The following ZC3H12B variants were observed in gnomAD, a reference collection of about 807,000 sequenced individuals.
ZC3H12B encodes zinc finger CCCH-type containing 12B, also known as probable ribonuclease ZC3H12B.
Under a neutral mutation model 43.9 loss-of-function variants are expected in ZC3H12B, and 7 were observed. The ratio of observed to expected loss-of-function variants is 0.16; its 90% confidence interval spans 0.09 to 0.30. The LOEUF is 0.30. Ranked by LOEUF, ZC3H12B falls within the 10% of genes least tolerant of loss-of-function variation. The pLI is 1.00. For synonymous variants in ZC3H12B, 222 were observed against 241.7 expected (o/e 0.92, Z 0.76); for missense variants, 475 against 670.2 (o/e 0.71, Z 3.22).
the ZC3H12B span, among the ~76,000 whole-genome samples, chrX:65,154,775 G>A: frequency 9.0e-6 from 1 of 111,478 alleles, no homozygotes; most frequent in East Asian, 2.8e-4. Context: ...AGCCTAGAAG[G>A]TTGAGGCTGC....
chrX:65,427,369 C>T (rs2067096078), intron 3 of ZC3H12B, among the ~76,000 whole-genome samples: 1 of 110,825 alleles, frequency 9.0e-6, no homozygotes, highest in Admixed American at 9.6e-5. Flanking sequence ...TGCTCTCTCA[C>T]CCAGGCTGGA....
At chrX:65,168,987 T>A in the ZC3H12B span, among the ~76,000 whole-genome samples, 3 of 111,551 alleles carry the variant, frequency 2.7e-5, no homozygotes, top group African/African-American at 9.8e-5. Context: ...AAAAAACAAA[T>A]CCTGGAGTCA....
At chrX:65,367,408 G>A in intron 1 of ZC3H12B, among the ~76,000 whole-genome samples, 1 of 111,491 alleles carries the variant, frequency 9.0e-6, no homozygotes, top group Non-Finnish European at 1.9e-5. Flanking sequence ...CTCTAGAAAA[G>A]CACCTCACTC....
At chrX:65,472,336 G>T (rs2067926609) in intron 3 of ZC3H12B, among the ~76,000 whole-genome samples, 1 of 108,677 alleles carries the variant, frequency 9.2e-6, no homozygotes, top group African/African-American at 3.4e-5. Flanking sequence ...TTTTCTTTAG[G>T]TTGCCTTTTC....
the ZC3H12B span, among the ~76,000 whole-genome samples, chrX:65,116,573 T>C: frequency 2.7e-5 from 3 of 110,993 alleles, 1 homozygote; most frequent in Non-Finnish European, 5.7e-5. Flanking sequence ...TTTTTTTCTT[T>C]TTTTTATTAT....
chrX:65,124,206 C>A, the ZC3H12B span, among the ~76,000 whole-genome samples: 2 of 110,754 alleles, frequency 1.8e-5, no homozygotes, highest in Non-Finnish European at 3.8e-5. Flanking sequence ...TAAAGGGATG[C>A]TGGATTTTTT....
the ZC3H12B span, among the ~76,000 whole-genome samples, chrX:65,207,249 T>C: frequency 0.099 from 10,199 of 103,229 alleles, 1,347 homozygotes; most frequent in African/African-American, 0.36. Flanking sequence ...TGTGTGTATA[T>C]ATACACACAC....
chrX:65,498,023 G>C (rs949011987), intron 2 of ZC3H12B, among the ~76,000 whole-genome samples: 5 of 110,948 alleles, frequency 4.5e-5, no homozygotes, highest in Non-Finnish European at 7.5e-5. Context: ...TCCCACCTCA[G>C]CCTCCTGAGT....
chrX:65,331,871 G>T, the ZC3H12B span, among the ~76,000 whole-genome samples: 1 of 111,277 alleles, frequency 9.0e-6, no homozygotes, highest in Middle Eastern at 4.6e-3. Context: ...GTGTCTTTTT[G>T]CATGCTAATG....
chrX:65,154,784 G>A, the ZC3H12B span, among the ~76,000 whole-genome samples: 2 of 111,587 alleles, frequency 1.8e-5, no homozygotes, highest in Non-Finnish European at 3.8e-5. Flanking sequence ...GGTTGAGGCT[G>A]CAGTGAGCTG....
chrX:65,263,467 A>C, the ZC3H12B span, among the ~76,000 whole-genome samples: 1 of 111,063 alleles, frequency 9.0e-6, no homozygotes, highest in East Asian at 2.8e-4. Flanking sequence ...TCAAATTATA[A>C]AAATGCATGG....
chrX:65,205,397 A>G, the ZC3H12B span, among the ~76,000 whole-genome samples: 4 of 111,737 alleles, frequency 3.6e-5, no homozygotes, highest in Non-Finnish European at 5.6e-5. Flanking sequence ...GCTCCTTGGT[A>G]CACAACATAA....
chrX:65,174,833 T>A, the ZC3H12B span, among the ~76,000 whole-genome samples: 4 of 111,137 alleles, frequency 3.6e-5, no homozygotes, highest in African/African-American at 1.3e-4. Flanking sequence ...ACCTGCTGAA[T>A]GAGACCACTT....
intron 3 of ZC3H12B, among the ~76,000 whole-genome samples, chrX:65,433,776 G>A (rs942989886): frequency 8.9e-6 from 1 of 111,809 alleles, no homozygotes; most frequent in East Asian, 2.8e-4. Context: ...TATATTTTTA[G>A]TAATGTATCT....
At chrX:65,415,515 T>C (rs780371254) in intron 3 of ZC3H12B, among the ~76,000 whole-genome samples, 1 of 112,610 alleles carries the variant, frequency 8.9e-6, no homozygotes, top group Admixed American at 9.4e-5. Context: ...GTCTTATTGC[T>C]ACAAACAGTC....
At chrX:65,043,459 A>G in the ZC3H12B span, among the ~76,000 whole-genome samples, 3 of 110,476 alleles carry the variant, frequency 2.7e-5, no homozygotes, top group Non-Finnish European at 5.7e-5. Flanking sequence ...AGGTTTTTAT[A>G]TATAAATTTC....
chrX:65,389,488 C>T (rs763071694), intron 2 of ZC3H12B, among the ~76,000 whole-genome samples: 2 of 112,583 alleles, frequency 1.8e-5, no homozygotes, highest in African/African-American at 6.4e-5. Context: ...ATTGGAAAAG[C>T]ACAGTATTAG....
chrX:65,349,162 C>A, the ZC3H12B span, among the ~76,000 whole-genome samples: 3 of 111,992 alleles, frequency 2.7e-5, no homozygotes, highest in Admixed American at 2.9e-4. Flanking sequence ...GAAATCATAA[C>A]AGTCTCTCAG....
intron 2 of ZC3H12B, among the ~76,000 whole-genome samples, chrX:65,381,099 G>A (rs371282548): frequency 2.0e-4 from 22 of 111,009 alleles, no homozygotes; most frequent in African/African-American, 4.9e-4. Context: ...TGCACCAAGC[G>A]GACCTAATAG....
Sources: allele counts gnomAD v4.1 joint callset (sites outside exome capture counted in the v4.1 genomes callset), GRCh38; gene constraint gnomAD v4.1.1; transcripts MANE v1.5; gene names NCBI Gene and HGNC (gene_info 2026-07-23, HGNC 2026-07-21).